The following WWP1 variants were observed in gnomAD, a reference collection of about 807,000 sequenced individuals.
WWP1 encodes the protein NEDD4-like E3 ubiquitin-protein ligase WWP1.
Under a neutral mutation model 130.6 loss-of-function variants are expected in WWP1, and 49 were observed. The observed-to-expected ratio is 0.38, with a 90% CI of 0.30 to 0.48. The LOEUF is 0.48. Among genes scored for constraint, WWP1 ranks in the 20% least tolerant of loss-of-function variants. The pLI, the probability that WWP1 is intolerant of heterozygous loss-of-function variation, is 0.99. For missense variants in WWP1, 809 were observed against 1,100.6 expected (o/e 0.74, Z 3.75); for synonymous variants, 332 against 367.8 (o/e 0.90, Z 1.11).
intron 5 of WWP1, among the ~76,000 whole-genome samples, chr8:86,390,001 C>T (rs1825548360): frequency 6.6e-6 from 1 of 151,024 alleles, no homozygotes; most frequent in Non-Finnish European, 1.5e-5. Flanking sequence ...CAGAGACGCT[C>T]CTCACCTCCC....
intron 21 of WWP1, among the ~76,000 whole-genome samples, chr8:86,453,081 A>G (rs2130759547): frequency 6.6e-6 from 1 of 152,260 alleles, no homozygotes; most frequent in South Asian, 2.1e-4. Context: ...CTTAAAATAT[A>G]CCATCTTAAC....
intron 1 of WWP1, among the ~76,000 whole-genome samples, chr8:86,349,469 A>G (rs1402679584): frequency 6.6e-6 from 1 of 152,246 alleles, no homozygotes; most frequent in Non-Finnish European, 1.5e-5. Flanking sequence ...ACAGATTACC[A>G]TAAATTTTAT....
intron 1 of WWP1, among the ~76,000 whole-genome samples, chr8:86,350,149 T>G (rs1822832506): frequency 6.6e-6 from 1 of 152,188 alleles, no homozygotes; most frequent in Non-Finnish European, 1.5e-5. Context: ...ATACAATGAA[T>G]AAGGTGCTGC....
chr8:86,383,736 CCT>C (rs2130380655), intron 5 of WWP1, among the ~76,000 whole-genome samples: 1 of 152,142 alleles, frequency 6.6e-6, no homozygotes, highest in South Asian at 2.1e-4. Context: ...AGCGAGACTC[CCT>C]CTCAAAAAAT....
intron 21 of WWP1, among the ~76,000 whole-genome samples, chr8:86,455,531 C>T (rs1482796214): frequency 6.6e-6 from 1 of 151,884 alleles, no homozygotes; most frequent in Non-Finnish European, 1.5e-5. Flanking sequence ...GTATTAGCAA[C>T]AGACACTTAA....
intron 5 of WWP1, among the ~76,000 whole-genome samples, chr8:86,390,477 G>A (rs368091024): frequency 1.6e-3 from 250 of 152,248 alleles, no homozygotes; most frequent in African/African-American, 4.7e-3. Flanking sequence ...CAGATCACTC[G>A]CGGTCAGGAG....
Position 86,398,566 on chromosome 8 carries a change from G to A in WWP1, c.473-6G>A. On this transcript the variant is annotated splice_region_variant and splice_polypyrimidine_tract_variant and intron_variant, in intron 6 of 24. Coordinates refer to ENST00000517970, the MANE Select transcript of WWP1 (RefSeq NM_007013.4). ...AAACCTAGTTTTTTTCTTTCTTGTT[G>A]TTCAGTAGAAATACAGGAAAATGGT... 6.2e-7 allele frequency: 1 copy of A among 1,612,968 alleles called. No homozygotes were observed. The highest frequency in any genetic ancestry group is 2.2e-5 in the East Asian group (1 of 44,820).
intron 1 of WWP1, among the ~76,000 whole-genome samples, chr8:86,349,285 C>CT (rs1822779044): frequency 6.6e-6 from 1 of 152,178 alleles, no homozygotes; most frequent in African/African-American, 2.4e-5. Context: ...TCCCAGAGTG[C>CT]TGGGATTACA....
chr8:86,431,195 A>G (rs1221180298), intron 12 of WWP1, among the ~76,000 whole-genome samples: 4 of 140,422 alleles, frequency 2.8e-5, no homozygotes, highest in African/African-American at 1.0e-4. Context: ...ATAATATAAT[A>G]TATATTATAT....
chr8:86,431,555 A>G, intron 13 of WWP1, 60 bp from the exon 14 acceptor site: 1 of 1,611,776 alleles, frequency 6.2e-7, no homozygotes, highest in Admixed American at 1.7e-5. Flanking sequence ...ACCAACCTTG[A>G]ATGAGATATT....
intron 16 of WWP1, among the ~76,000 whole-genome samples, chr8:86,435,929 G>T (rs1810265229): frequency 6.6e-6 from 1 of 152,038 alleles, no homozygotes. Context: ...CAACCTCTGG[G>T]CTCGAACGAT....
At position 86,342,775 on chromosome 8, in the gene WWP1, G is replaced by T. The variant is rs1289516666; in HGVS notation, c.-270G>T. 3 of 367,728 alleles carry T rather than the reference G, an allele frequency of 8.2e-6. No homozygotes were observed. Among genetic ancestry groups the T allele is most frequent in the Non-Finnish European group, 1.5e-5 (3 of 206,204 alleles). The allele number at this position is 367,728 out of a possible 1,614,324, so 22.8% of individuals were successfully genotyped here. On this transcript the variant is annotated 5_prime_UTR_variant, in exon 1 of 25. Coordinates refer to ENST00000517970, the MANE Select transcript of WWP1 (RefSeq NM_007013.4). ...GTGCGGGTTCCGAGTGGCTGCTGGC[G>T]GCCTGGGCTGCCGGGGCCGACGCCT...
chr8:86,413,761 G>A (rs1199444875), intron 9 of WWP1, among the ~76,000 whole-genome samples: 1 of 152,214 alleles, frequency 6.6e-6, no homozygotes, highest in Non-Finnish European at 1.5e-5. Context: ...ACAGCCCTGT[G>A]AAGAATTTTG....
intron 18 of WWP1, among the ~76,000 whole-genome samples, chr8:86,444,589 A>G (rs1810761638): frequency 6.6e-6 from 1 of 152,176 alleles, no homozygotes; most frequent in Non-Finnish European, 1.5e-5. Context: ...GGACAAGGGA[A>G]GAAGAAAGTG....
Position 86,398,600 on chromosome 8 carries a change from A to G in WWP1, c.501A>G (p.Leu167=). The part of the protein sequence containing the change: ...TIEIQENGDA[L]HENGEPSART... The stretch of plus-strand genomic sequence containing the variant: ...AAATACAGGAAAATGGTGATGCCTT[A>G]CATGAAAATGGAGAGCCTTCAGCAA... The change falls in exon 7 of 25, where the codon TTA becomes TTG. Residue 167 remains leucine, a synonymous_variant. Transcript: ENST00000517970. The G allele has an allele frequency of 6.2e-7, 1 of 1,612,868 alleles. No individual in the cohort carries two copies. Among genetic ancestry groups the G allele is most frequent in the Non-Finnish European group, 8.5e-7 (1 of 1,179,766 alleles).
chr8:86,456,464 T>C lies in WWP1; in HGVS notation c.2395-1457T>C, dbSNP rs1392941062. ...TACTTCCCAATAGGATATACACAGA[T>C]GGCAAGTAAATACTTGAAAAATGCT... On this transcript the variant is annotated intron_variant, in intron 21 of 24. Coordinates refer to ENST00000517970, the MANE Select transcript of WWP1 (RefSeq NM_007013.4). Among the ~76,000 whole-genome samples the C allele has an allele frequency of 3.9e-5, 6 of 151,932 alleles. No individual in the cohort carries two copies. The East Asian group carries it at 1.2e-3, about 29-fold the overall frequency.
At chr8:86,463,520 G>A (rs1307236832) in intron 24 of WWP1, among the ~76,000 whole-genome samples, 1 of 151,882 alleles carries the variant, frequency 6.6e-6, no homozygotes, top group Admixed American at 6.6e-5. Context: ...TGGTCAGGCT[G>A]GTCTCAAACT....
intron 1 of WWP1, among the ~76,000 whole-genome samples, chr8:86,362,037 CAT>C (rs1346872476): frequency 3.5e-4 from 34 of 98,490 alleles, no homozygotes; most frequent in Admixed American, 1.6e-3. Flanking sequence ...TATACACACA[CAT>C]ATATATACAC....
At chr8:86,404,706 A>C (rs974674270) in intron 8 of WWP1, among the ~76,000 whole-genome samples, 7 of 152,212 alleles carry the variant, frequency 4.6e-5, no homozygotes, top group Non-Finnish European at 1.0e-4. Flanking sequence ...TAACTGATTT[A>C]TCTCTCTCAC....
Sources: gnomAD v4.1 joint callset for allele counts (sites outside exome capture counted in the v4.1 genomes callset) on GRCh38, gnomAD v4.1.1 for gene constraint, MANE v1.5 for transcripts, NCBI Gene and HGNC (gene_info 2026-07-23, HGNC 2026-07-21) for gene names.